The following SRCAP variants were observed in gnomAD, a reference collection of about 807,000 sequenced individuals.
The protein encoded by SRCAP is chromatin remodeling protein SRCAP.
Under a neutral mutation model 263.1 loss-of-function variants are expected in SRCAP, and 46 were observed. The ratio of observed to expected loss-of-function variants is 0.17; its 90% CI spans 0.14 to 0.22. The LOEUF (loss-of-function observed/expected upper bound fraction) is 0.22. Among genes scored for constraint, SRCAP ranks in the 10% least tolerant of loss-of-function variants. SRCAP has a pLI of 1.00. For missense variants in SRCAP, 3,695 were observed against 4,181.9 expected (o/e 0.88, Z 3.21); for synonymous variants, 1,813 against 1,662.1 (o/e 1.09, Z -2.21).
At chr16:30,732,938 G>A (rs1481085318) in intron 27 of SRCAP, among the ~76,000 whole-genome samples, 5 of 152,090 alleles carry the variant, frequency 3.3e-5, no homozygotes, top group African/African-American at 1.2e-4. Flanking sequence ...GTTCAAGCCC[G>A]AGTTCTCATG....
chr16:30,705,600 C>T (rs375046670), intron 4 of SRCAP, among the ~76,000 whole-genome samples: 30 of 151,970 alleles, frequency 2.0e-4, no homozygotes, highest in African/African-American at 7.0e-4. Flanking sequence ...TGGGGTTTCA[C>T]CATGTTGGCG....
rs188267225 is a variant in SRCAP, at chr16:30,723,761, C to T, written c.4337C>T (p.Thr1446Ile). The T allele has an allele frequency of 6.8e-5, 109 of 1,613,974 alleles. 1 individual carries two copies. In the East Asian group the frequency reaches 2.4e-3, roughly 36 times the overall value. Residue 1446 changes from threonine to isoleucine, a missense_variant, in exon 25 of 34, where the codon ACA (threonine) becomes ATA (isoleucine). Physicochemically the swap from Thr to Ile is moderately conservative, Grantham distance 89. Around this residue, in one of 12 missense-constraint regions of SRCAP, gnomAD observed 1,347 missense variants for 1,304.4 expected, o/e 1.03. Coordinates refer to ENST00000262518, the MANE Select transcript of SRCAP (RefSeq NM_006662.3). Reference protein sequence around the residue: ...SSSLPISVPTTLPAPASAPLT... With the variant: ...SSSLPISVPTILPAPASAPLT... Reference sequence around the variant, plus strand: ...TCACTCCCCATCTCTGTCCCCACCACACTTCCTGCCCCAGCCTCGGCTCCA... The same window carrying T: ...TCACTCCCCATCTCTGTCCCCACCATACTTCCTGCCCCAGCCTCGGCTCCA...
At chr16:30,717,525 C>T (rs2052963309) in intron 18 of SRCAP, among the ~76,000 whole-genome samples, 1 of 151,054 alleles carries the variant, frequency 6.6e-6, no homozygotes, top group Non-Finnish European at 1.5e-5. Context: ...TAGCTTACTG[C>T]AGCCTTGAAC....
chr16:30,725,285 T>C, intron 25 of SRCAP: 1 of 1,169,508 alleles, frequency 8.6e-7, no homozygotes, highest in South Asian at 1.8e-5. Flanking sequence ...CCTCCTGAAG[T>C]GTTAGGATTA....
Position 30,738,780 on chromosome 16 carries a change from C to G in SRCAP, c.8740C>G (p.Pro2914Ala), listed in dbSNP as rs1040219525. ...ADPVLEPQLI[P>A]GPQPLGPQPV... ...TCCTGTCCTGGAACCACAGCTTATT[C>G]CTGGGCCCCAGCCTCTTGGACCCCA... Residue 2914 changes from proline to alanine, a missense_variant, in exon 34 of 34, where the codon CCT becomes GCT. By Grantham distance (27) the Pro-to-Ala change is conservative. Around this residue, in one of 12 missense-constraint regions of SRCAP, gnomAD observed 1,207 missense variants for 1,142.9 expected, o/e 1.06. Transcript: ENST00000262518. The G allele has an allele frequency of 6.2e-7, 1 of 1,613,814 alleles. No individual in the cohort carries two copies. Among genetic ancestry groups the G allele is most frequent in the Non-Finnish European group, 8.5e-7 (1 of 1,179,848 alleles).
intron 30 of SRCAP, 56 bp downstream of exon 30, chr16:30,734,064 T>G: frequency 2.1e-6 from 3 of 1,425,904 alleles, no homozygotes; most frequent in Non-Finnish European, 2.9e-6. Context: ...CCTTCAGGAG[T>G]TCCTCCTGTT....
rs201158872 is a variant in SRCAP, at chr16:30,724,277, C to T, written c.4853C>T (p.Ala1618Val). Residue 1618 changes from alanine to valine, a missense_variant, in exon 25 of 34, where the codon GCT becomes GTT. This residue lies in a region of SRCAP where 1,347 missense variants were observed against 1,304.4 expected (regional missense o/e 1.03). Coordinates refer to ENST00000262518, the MANE Select transcript of SRCAP (RefSeq NM_006662.3). Reference protein sequence around the residue: ...PLPVLAPSPGAAPVLASSQTP... With the variant: ...PLPVLAPSPGVAPVLASSQTP... ...CCGGTCCTGGCACCATCGCCAGGTG[C>T]TGCTCCTGTCCTGGCTTCATCACAG... is the stretch of plus-strand genomic sequence containing the variant. The T allele has an allele frequency of 4.4e-5, 71 of 1,614,108 alleles. No homozygotes were observed. In the East Asian group the frequency reaches 1.5e-3, roughly 34 times the overall value.
Position 30,738,972 on chromosome 16 carries a change from C to G in SRCAP, c.8932C>G (p.Leu2978Val), listed in dbSNP as rs761636847. 8 of 1,613,684 alleles carry G rather than the reference C, an allele frequency of 5.0e-6. No individual in the cohort carries two copies. Among genetic ancestry groups the G allele is most frequent in the Non-Finnish European group, 5.1e-6 (6 of 1,179,764 alleles). ...CCCACACCCATCACCCCTAACCCCA[C>G]TCCCACCACTGCTAGTTTGTCCCAC... ...PPPHPSPLTP[L>V]PPLLVCPTAT... is the part of the protein sequence containing the mutation. Residue 2978 changes from leucine to valine, a missense_variant, in exon 34 of 34, where the codon CTC (leucine) becomes GTC (valine). By Grantham distance (32) the Leu-to-Val change is conservative. Coordinates refer to ENST00000262518, the MANE Select transcript of SRCAP (RefSeq NM_006662.3).
chr16:30,727,140 A>T (rs560761512), intron 25 of SRCAP, among the ~76,000 whole-genome samples: 2 of 152,032 alleles, frequency 1.3e-5, no homozygotes, highest in African/African-American at 4.8e-5. Context: ...TGCCTGGCAC[A>T]TCATCACTTT....
In SRCAP at chr16:30,724,996, C is replaced by T. The variant is rs747618470; in HGVS notation, c.5572C>T (p.Pro1858Ser). The T allele has an allele frequency of 1.5e-5, 25 of 1,614,092 alleles. No individual in the cohort carries two copies. The highest frequency in any genetic ancestry group is 3.3e-4 in the Middle Eastern group (2 of 6,084). ...PDTLTLRSGP[P>S]SPPSTATSFG... The stretch of plus-strand genomic sequence containing the variant: ...CACACTGACATTGCGCTCTGGTCCC[C>T]CCAGCCCTCCCTCCACTGCTACCTC... The change falls in exon 25 of 34, where the codon CCC becomes TCC. Residue 1858 changes from proline to serine, a missense_variant. Coordinates refer to ENST00000262518, the MANE Select transcript of SRCAP (RefSeq NM_006662.3).
chr16:30,720,010 T>A, intron 18 of SRCAP, 152 bp from the exon 19 acceptor site: 24 of 718,994 alleles, frequency 3.3e-5, no homozygotes, highest in Non-Finnish European at 4.3e-5. Context: ...GCGTACCCAA[T>A]GTTTAGCTCC....
In SRCAP at chr16:30,722,706, C is replaced by G. The variant is rs1478517135; in HGVS notation, c.3850C>G (p.Pro1284Ala). The change falls in exon 23 of 34, where the codon CCT becomes GCT. Residue 1284 changes from proline to alanine, a missense_variant. Around this residue, in one of 12 missense-constraint regions of SRCAP, gnomAD observed 1,347 missense variants for 1,304.4 expected, o/e 1.03. Transcript: ENST00000262518. The part of the protein sequence containing the change: ...VLPSSTPSTT[P>A]APTGLSLPLA... ...GCCTTCTTCGACCCCCAGCACCACC[C>G]CTGCCCCTACTGGCCTCAGCCTTCC... The G allele has an allele frequency of 6.2e-7, 1 of 1,613,804 alleles. No individual in the cohort carries two copies. Among genetic ancestry groups the G allele is most frequent in the East Asian group, 2.2e-5 (1 of 44,820 alleles).
rs755074363 is a variant in SRCAP, at chr16:30,739,110, G to A, written c.9070G>A (p.Val3024Ile). 1.5e-5 allele frequency: 25 copies of A among 1,614,068 alleles called. No individual in the cohort carries two copies. In the Middle Eastern group the frequency reaches 4.9e-4, roughly 32 times the overall value. Residue 3024 changes from valine to isoleucine, a missense_variant, in exon 34 of 34, where the codon GTC (valine) becomes ATC (isoleucine). Val to Ile is a conservative substitution (Grantham distance 29, BLOSUM62 3). Around this residue, in one of 12 missense-constraint regions of SRCAP, gnomAD observed 1,207 missense variants for 1,142.9 expected, o/e 1.06. Transcript: ENST00000262518. ...PPSPRPSQLPVLDRDSTSVLE... is the reference protein window; with the variant it reads ...PPSPRPSQLPILDRDSTSVLE... ...ATCACCTCGGCCCAGCCAGCTCCCC[G>A]TCTTGGACCGTGACAGCACTTCTGT...
rs540353377 is a variant in SRCAP, at chr16:30,709,963, G to C, written c.969G>C (p.Leu323=). Residue 323 remains leucine, a synonymous_variant, in exon 8 of 34, where the codon CTG becomes CTC. Transcript: ENST00000262518. ...AGGCCCAGAGGCGTGAGATTGAGCT[G>C]CTTCGCCGTGAGGGAGAATTGCCAC... ...DAEAQRREIE[L]LRREGELPLE... The C allele has an allele frequency of 3.7e-6, 6 of 1,614,114 alleles. No homozygotes were observed. Among genetic ancestry groups the C allele is most frequent in the East Asian group, 2.2e-5 (1 of 44,898 alleles).
chr16:30,721,777 A>G (rs989195969), intron 21 of SRCAP, among the ~76,000 whole-genome samples: 1 of 152,268 alleles, frequency 6.6e-6, no homozygotes, highest in African/African-American at 2.4e-5. Flanking sequence ...AGAAATTGAC[A>G]TAGGGAGATG....
At chr16:30,731,596 T>G (rs1300465402) in intron 27 of SRCAP, among the ~76,000 whole-genome samples, 1 of 152,224 alleles carries the variant, frequency 6.6e-6, no homozygotes, top group Non-Finnish European at 1.5e-5. Context: ...CCGGGTGTGG[T>G]GACTCATACT....
chr16:30,716,792 G>GCT (rs1364557761), intron 18 of SRCAP, among the ~76,000 whole-genome samples: 3 of 152,114 alleles, frequency 2.0e-5, no homozygotes, highest in African/African-American at 7.2e-5. Context: ...TTCTTTACTT[G>GCT]CTGAGGGTTT....
At position 30,723,691 on chromosome 16, in the gene SRCAP, C is replaced by T. The variant is rs2053033661; in HGVS notation, c.4267C>T (p.Leu1423Phe). 1.2e-6 allele frequency: 2 copies of T among 1,614,116 alleles called. No homozygotes were observed. Among genetic ancestry groups the T allele is most frequent in the Non-Finnish European group, 1.7e-6 (2 of 1,180,002 alleles). ...SPMPIPNSSP[L>F]ASPVSSTVSV... is the part of the protein sequence containing the mutation. ...AATGCCAATTCCCAACTCCTCTCCCCTTGCTAGTCCTGTGTCCTCTACAGT... is the reference window on the plus strand; with the variant it reads ...AATGCCAATTCCCAACTCCTCTCCCTTTGCTAGTCCTGTGTCCTCTACAGT... Residue 1423 changes from leucine (L) to phenylalanine (F), a missense_variant, in exon 25 of 34, where the codon CTT becomes TTT. Leu to Phe is a conservative substitution (Grantham distance 22). Coordinates refer to ENST00000262518, the MANE Select transcript of SRCAP (RefSeq NM_006662.3).
At position 30,739,313 on chromosome 16, in the gene SRCAP, G is replaced by T; in HGVS notation, c.9273G>T (p.Gln3091His). 6.2e-7 allele frequency: 1 copy of T among 1,614,206 alleles called. No homozygotes were observed. Among genetic ancestry groups the T allele is most frequent in the Non-Finnish European group, 8.5e-7 (1 of 1,180,038 alleles). The change falls in exon 34 of 34, where the codon CAG (glutamine) becomes CAT (histidine). Residue 3091 changes from glutamine (Q) to histidine (H), a missense_variant. Physicochemically the swap from Gln to His is conservative, Grantham distance 24. Coordinates refer to ENST00000262518, the MANE Select transcript of SRCAP (RefSeq NM_006662.3). ...GGTCCATGGTGGTGGCTGTAATTCA[G>T]GATGACCTGGACTTAGCAGATAGCG... ...SGGSMVVAVI[Q>H]DDLDLADSGP...
Sources: gnomAD v4.1 joint callset for allele counts (sites outside exome capture counted in the v4.1 genomes callset) on GRCh38, gnomAD v4.1.1 for gene constraint, gnomAD v4.1.1 regional missense constraint, MANE v1.5 for transcripts, NCBI Gene and HGNC (gene_info 2026-07-23, HGNC 2026-07-21) for gene names.